ANO3: variants seen among roughly 807,000 people sequenced by gnomAD.
The protein encoded by ANO3 is anoctamin 3.
ANO3 carries 99 observed loss-of-function variants against 144.8 expected under a neutral mutation model. The observed-to-expected ratio is 0.68, with a 90% CI of 0.58 to 0.81. The LOEUF (loss-of-function observed/expected upper bound fraction) is 0.81. Ranked by LOEUF, ANO3 falls within the 30% of genes least tolerant of loss-of-function variation. The pLI, the probability that ANO3 is intolerant of heterozygous loss-of-function variation, is 0.00. For missense variants in ANO3, 905 were observed against 1,202.2 expected (o/e 0.75, Z 3.66); for synonymous variants, 414 against 392.6 (o/e 1.05, Z -0.64).
intron 14 of ANO3, among the ~76,000 whole-genome samples, 183 bp from the exon 15 acceptor site, chr11:26,598,182 A>G (rs1391289583): frequency 1.3e-5 from 2 of 152,224 alleles, no homozygotes; most frequent in East Asian, 3.8e-4. Context: ...CTAGCAGTGT[A>G]TGCTAATAGA....
intron 1 of ANO3, among the ~76,000 whole-genome samples, chr11:26,228,124 T>C (rs933624717): frequency 6.6e-6 from 1 of 152,232 alleles, no homozygotes; most frequent in Non-Finnish European, 1.5e-5. Flanking sequence ...ACTTTGTGGT[T>C]TGCATCTTGG....
rs116932997 is a variant in ANO3 at position 26,660,636 on chromosome 11, C to T, written c.*192C>T. ...TGTAGGGAAGAAAACAATGACTTGA[C>T]GACCTTAAAAAGGGTTAGATTGACA... On this transcript the variant is annotated 3_prime_UTR_variant, in exon 27 of 27. Coordinates refer to ENST00000256737, the MANE Select transcript of ANO3 (RefSeq NM_031418.4). 9,788 of 535,872 alleles carry T rather than the reference C, an allele frequency of 0.018. 140 individuals carry two copies. Among genetic ancestry groups the T allele is most frequent in the Non-Finnish European group, 0.024 (7,447 of 314,570 alleles). 33.2% of individuals were successfully genotyped at this position (535,872 alleles called of 1,614,324 possible).
chr11:26,289,745 T>A (rs1163890983), intron 1 of ANO3, among the ~76,000 whole-genome samples: 1 of 147,506 alleles, frequency 6.8e-6, no homozygotes, highest in East Asian at 2.0e-4. Flanking sequence ...TGTGTATATA[T>A]ATTCTATATG....
chr11:26,557,556 C>T (rs113894845), intron 13 of ANO3, among the ~76,000 whole-genome samples: 119 of 151,516 alleles, frequency 7.9e-4, no homozygotes, highest in African/African-American at 2.7e-3. Context: ...TAATGTATTA[C>T]ATATTTAATT....
chr11:26,355,803 G>A (rs1047296548), intron 1 of ANO3, among the ~76,000 whole-genome samples: 7 of 151,928 alleles, frequency 4.6e-5, no homozygotes, highest in East Asian at 1.9e-4. Context: ...CAGGTGATCC[G>A]TCCGCCTTGG....
intron 17 of ANO3, among the ~76,000 whole-genome samples, chr11:26,602,546 G>A (rs1851827339): frequency 6.6e-6 from 1 of 151,580 alleles, no homozygotes. Context: ...GGGCAACATA[G>A]TGAGATCTCA....
At chr11:26,566,917 A>G in intron 14 of ANO3, 1 of 692,202 alleles carries the variant, frequency 1.4e-6, no homozygotes, top group Non-Finnish European at 2.1e-6. Context: ...CTTAGGTAGC[A>G]GCACTCTAAA....
chr11:26,279,499 CA>C (rs1853631688), intron 1 of ANO3, among the ~76,000 whole-genome samples: 1 of 152,094 alleles, frequency 6.6e-6, no homozygotes, highest in Non-Finnish European at 1.5e-5. Context: ...AACAAAAAGA[CA>C]AACAACCCTA....
intron 1 of ANO3, among the ~76,000 whole-genome samples, chr11:26,378,970 C>CAAA (rs5790576): frequency 0.066 from 9,100 of 137,798 alleles, 534 homozygotes; most frequent in African/African-American, 0.16. Context: ...ACAACTTCTC[C>CAAA]AAAAAAAAAA....
At chr11:26,381,815 C>T (rs1856596829) in intron 1 of ANO3, among the ~76,000 whole-genome samples, 1 of 152,030 alleles carries the variant, frequency 6.6e-6, no homozygotes, top group African/African-American at 2.4e-5. Flanking sequence ...TGGCCATTTC[C>T]CAAGGGCAAT....
At chr11:26,408,317 T>G (rs369623508) in intron 1 of ANO3, among the ~76,000 whole-genome samples, 2 of 151,418 alleles carry the variant, frequency 1.3e-5, no homozygotes, top group African/African-American at 4.8e-5. Flanking sequence ...GGGCGAAGGA[T>G]ATGAACAGAC....
In ANO3 at chr11:26,540,219, C is replaced by G. The variant is rs544364617; in HGVS notation, c.1033-1728C>G. ...TTATCTGAAATAAATTTTAAAGATACTACCATGTTAAAAATCTGACTAGCC... is the reference window on the plus strand; with the variant it reads ...TTATCTGAAATAAATTTTAAAGATAGTACCATGTTAAAAATCTGACTAGCC... On this transcript the variant is annotated intron_variant, in intron 10 of 26. Coordinates refer to ENST00000256737, the MANE Select transcript of ANO3 (RefSeq NM_031418.4). Among the ~76,000 whole-genome samples, 11 of 152,174 alleles carry G rather than the reference C, an allele frequency of 7.2e-5. No individual in the cohort carries two copies. The South Asian group carries it at 2.3e-3, about 32-fold the overall frequency.
At chr11:26,243,155 G>A (rs1329441407) in intron 1 of ANO3, among the ~76,000 whole-genome samples, 1 of 152,136 alleles carries the variant, frequency 6.6e-6, no homozygotes, top group Non-Finnish European at 1.5e-5. Flanking sequence ...TATGGCCAGT[G>A]AAATCTCTAA....
intron 17 of ANO3, among the ~76,000 whole-genome samples, chr11:26,614,241 T>A (rs981553167): frequency 6.6e-6 from 1 of 152,208 alleles, no homozygotes; most frequent in African/African-American, 2.4e-5. Flanking sequence ...GTTGGCAGAC[T>A]GTGCAGTGTA....
intron 1 of ANO3, among the ~76,000 whole-genome samples, chr11:26,289,140 A>G (rs1354885170): frequency 1.3e-5 from 2 of 152,118 alleles, no homozygotes; most frequent in African/African-American, 2.4e-5. Context: ...ATCTCTTAAT[A>G]TAAATTGGCA....
intron 1 of ANO3, among the ~76,000 whole-genome samples, chr11:26,291,369 C>T (rs1334906750): frequency 1.3e-5 from 2 of 152,114 alleles, no homozygotes; most frequent in Non-Finnish European, 2.9e-5. Context: ...TCCAATTTGC[C>T]AGTCTGTGTC....
At chr11:26,191,744 T>C (rs1337491536) in intron 1 of ANO3, among the ~76,000 whole-genome samples, 1 of 152,232 alleles carries the variant, frequency 6.6e-6, no homozygotes, top group Non-Finnish European at 1.5e-5. Flanking sequence ...TCTGCCTCCA[T>C]TTATTATGAT....
chr11:26,287,404 A>C (rs1347864408), intron 1 of ANO3: 1 of 152,240 alleles, frequency 6.6e-6, no homozygotes, highest in East Asian at 1.9e-4. Flanking sequence ...CCAGTAAAGC[A>C]GATGACAATA....
At chr11:26,312,204 A>G (rs1854516382) in intron 1 of ANO3, among the ~76,000 whole-genome samples, 2 of 152,216 alleles carry the variant, frequency 1.3e-5, no homozygotes, top group Admixed American at 1.3e-4. Flanking sequence ...ATAGTATTCC[A>G]TGGTGTATAT....
Sources: gnomAD v4.1 joint callset for allele counts (sites outside exome capture counted in the v4.1 genomes callset) on GRCh38, gnomAD v4.1.1 for gene constraint, MANE v1.5 for transcripts, NCBI Gene and HGNC (gene_info 2026-07-23, HGNC 2026-07-21) for gene names.